TRPM8: variants seen among roughly 807,000 people sequenced by gnomAD.
TRPM8 encodes the protein TRPM8 cationic channel.
Under a neutral mutation model 133.7 loss-of-function variants are expected in TRPM8, and 110 were observed. The observed-to-expected ratio is 0.82, with a 90% CI of 0.70 to 0.96. The LOEUF (loss-of-function observed/expected upper bound fraction) is 0.96, where lower values mean the gene tolerates loss of function less well. Among genes scored for constraint, TRPM8 ranks in the 40% least tolerant of loss-of-function variants. TRPM8 has a pLI of 0.00. For missense variants in TRPM8, 1,291 were observed against 1,379.5 expected (o/e 0.94, Z 1.02); for synonymous variants, 535 against 532.3 (o/e 1.01, Z -0.07).
intron 22 of TRPM8, among the ~76,000 whole-genome samples, chr2:234,002,373 C>T (rs1376363162): frequency 3.9e-5 from 6 of 152,062 alleles, no homozygotes; most frequent in Non-Finnish European, 7.4e-5. Context: ...TGCCCTCAGC[C>T]CACCAAGTCA....
At position 233,970,258 on chromosome 2, in the gene TRPM8, G is replaced by A. The variant is rs137895658; in HGVS notation, c.2187G>A (p.Ala729=). The A allele has an allele frequency of 2.0e-5, 32 of 1,614,174 alleles. No homozygotes were observed. Among genetic ancestry groups the A allele is most frequent in the East Asian group, 6.7e-5 (3 of 44,872 alleles). Residue 729 remains alanine (A), a synonymous_variant, in exon 17 of 26, where the codon GCG becomes GCA. Coordinates refer to ENST00000324695, the MANE Select transcript of TRPM8 (RefSeq NM_024080.5). ...KHKKLLWYYV[A]FFTSPFVVFS... is the part of the protein sequence containing the mutation. ...AGAAGCTGCTTTGGTACTATGTGGC[G>A]TTCTTCACCTCCCCCTTCGTGGTCT...
At position 233,989,052 on chromosome 2, in the gene TRPM8, A is replaced by C. The variant is rs989027169; in HGVS notation, c.2939+3187A>C. 1.3e-5 allele frequency among the ~76,000 whole-genome samples: 2 copies of C among 152,336 alleles called. No homozygotes were observed. The highest frequency in any genetic ancestry group is 1.3e-4 in the Admixed American group (2 of 15,308). ...TAAACAAAAAGACCAACAGCTCCTA[A>C]AACCATGGCCTTTGAGTTATGCTAA... On this transcript the variant is annotated intron_variant, in intron 21 of 25. Transcript: ENST00000324695. This position sits in a 1 kb window ranked among gnomAD's most constrained non-coding sequence, Gnocchi z 4.2.
chr2:233,980,617 C>T (rs978080360), intron 18 of TRPM8, among the ~76,000 whole-genome samples: 1 of 152,164 alleles, frequency 6.6e-6, no homozygotes, highest in African/African-American at 2.4e-5. Flanking sequence ...ATCCACCTGC[C>T]TCAGCCTCCC....
At chr2:233,925,727 A>G (rs1691501171) in intron 1 of TRPM8, among the ~76,000 whole-genome samples, 1 of 152,134 alleles carries the variant, frequency 6.6e-6, no homozygotes, top group Non-Finnish European at 1.5e-5. Context: ...CACGGTATGC[A>G]GGAAGGACAG....
chr2:234,010,025 T>C (rs1367215974), intron 24 of TRPM8, among the ~76,000 whole-genome samples: 2 of 152,206 alleles, frequency 1.3e-5, no homozygotes, highest in Admixed American at 6.5e-5. Flanking sequence ...CTGGCAAATT[T>C]CGTGGGTACA....
intron 1 of TRPM8, among the ~76,000 whole-genome samples, chr2:233,925,548 A>G (rs1011939137): frequency 1.4e-4 from 22 of 152,108 alleles, no homozygotes; most frequent in Non-Finnish European, 2.6e-4. Context: ...AGCCAGGTCC[A>G]GAGAGAGAGG....
intron 11 of TRPM8, among the ~76,000 whole-genome samples, chr2:233,956,531 G>A (rs1039144861): frequency 1.3e-5 from 2 of 152,090 alleles, no homozygotes; most frequent in African/African-American, 4.8e-5. Context: ...GTTAATTTCA[G>A]TCATTAGGGG....
rs1336749935 is a variant in TRPM8, at chr2:234,018,190, T to A, written c.*934T>A. ...AATGTTATCATACTACATATATACT[T>A]TTTATGTAAGCTTTTTCACTTAGTA... On this transcript the variant is annotated 3_prime_UTR_variant, in exon 26 of 26. Coordinates refer to ENST00000324695, the MANE Select transcript of TRPM8 (RefSeq NM_024080.5). 1 of 152,130 alleles carries A rather than the reference T, an allele frequency of 6.6e-6. No homozygotes were observed. Among genetic ancestry groups the A allele is most frequent in the Non-Finnish European group, 1.5e-5 (1 of 68,026 alleles). 9.4% of individuals were successfully genotyped at this position (152,130 alleles called of 1,614,324 possible).
At chr2:233,973,395 C>T (rs907182387) in intron 17 of TRPM8, among the ~76,000 whole-genome samples, 6 of 152,202 alleles carry the variant, frequency 3.9e-5, no homozygotes, top group African/African-American at 7.2e-5. Flanking sequence ...TAGCTTTTGG[C>T]GGCCAGCTGG....
At chr2:234,000,322 G>A (rs1692523889) in intron 22 of TRPM8, among the ~76,000 whole-genome samples, 1 of 151,960 alleles carries the variant, frequency 6.6e-6, no homozygotes, top group South Asian at 2.1e-4. Context: ...TGTTGGCCAG[G>A]CTCGTCTTGA....
chr2:233,978,019 G>A (rs1406783242), intron 17 of TRPM8, among the ~76,000 whole-genome samples: 1 of 151,608 alleles, frequency 6.6e-6, no homozygotes, highest in Non-Finnish European at 1.5e-5. Flanking sequence ...ATGAATGTAT[G>A]CAGGTGTTTT....
At chr2:233,996,589 T>TA in intron 22 of TRPM8, 73 bp downstream of exon 22, 1 of 1,330,192 alleles carries the variant, frequency 7.5e-7, no homozygotes, top group Non-Finnish European at 1.1e-6. Flanking sequence ...CTGGTGTGTA[T>TA]CTCAACAGGA....
intron 11 of TRPM8, chr2:233,955,491 A>G: frequency 3.1e-6 from 1 of 321,798 alleles, no homozygotes. Context: ...CATCAACTCC[A>G]CATTGCCTTC....
chr2:233,926,447 A>C (rs1016903154), intron 1 of TRPM8, 86 bp from the exon 2 acceptor site: 1 of 975,926 alleles, frequency 1.0e-6, no homozygotes, highest in Non-Finnish European at 1.6e-6. Flanking sequence ...GAGAGGGTGG[A>C]GGGAAAACGG....
At position 234,017,790 on chromosome 2, in the gene TRPM8, C is replaced by G. The variant is rs189869051; in HGVS notation, c.*534C>G. 2.0e-3 allele frequency: 314 copies of G among 158,254 alleles called. 1 individual carries two copies. Among genetic ancestry groups the G allele is most frequent in the Non-Finnish European group, 2.4e-3 (171 of 72,322 alleles). 9.8% of individuals were successfully genotyped at this position (158,254 alleles called of 1,614,324 possible). The stretch of plus-strand genomic sequence containing the variant: ...CATGCTGCAGCAAGAGGACCCCGCT[C>G]TCTTCAGGAAAAGTGTTTTCATTTC... On this transcript the variant is annotated 3_prime_UTR_variant, in exon 26 of 26. Coordinates refer to ENST00000324695, the MANE Select transcript of TRPM8 (RefSeq NM_024080.5).
intron 3 of TRPM8, among the ~76,000 whole-genome samples, chr2:233,932,452 T>C (rs1691699311): frequency 6.6e-6 from 1 of 151,658 alleles, no homozygotes; most frequent in Admixed American, 6.6e-5. Context: ...GGCTGGAGGA[T>C]GGAAGTTGAG....
Position 233,985,811 on chromosome 2 carries a change from T to A in TRPM8, c.2885T>A (p.Ile962Asn). The stretch of plus-strand genomic sequence containing the variant: ...TGGATCACCATCCCCCTGGTGTGCA[T>A]CTACATGTTATCCACCAACATCCTG... ...PEWITIPLVC[I>N]YMLSTNILLV... The change falls in exon 21 of 26, where the codon ATC becomes AAC. Residue 962 changes from isoleucine (I) to asparagine (N), a missense_variant. Physicochemically the swap from Ile to Asn is moderately radical, Grantham distance 149. Around this residue, in one of 2 missense-constraint regions of TRPM8, gnomAD observed 328 missense variants for 410.6 expected, o/e 0.80. Coordinates refer to ENST00000324695, the MANE Select transcript of TRPM8 (RefSeq NM_024080.5). 6.2e-7 allele frequency: 1 copy of A among 1,614,212 alleles called. No homozygotes were observed. The highest frequency in any genetic ancestry group is 8.5e-7 in the Non-Finnish European group (1 of 1,180,034).
At chr2:233,974,832 T>C (rs1404196994) in intron 17 of TRPM8, among the ~76,000 whole-genome samples, 1 of 151,966 alleles carries the variant, frequency 6.6e-6, no homozygotes, top group African/African-American at 2.4e-5. Context: ...ACTGGATTCA[T>C]AGCCTGGTGG....
At chr2:233,967,204 A>G (rs762559179) in intron 15 of TRPM8, among the ~76,000 whole-genome samples, 2 of 152,222 alleles carry the variant, frequency 1.3e-5, no homozygotes, top group South Asian at 2.1e-4. Flanking sequence ...TTATTTAGCT[A>G]TTGCTATTGC....
Sources: gnomAD v4.1 joint callset for allele counts (sites outside exome capture counted in the v4.1 genomes callset) on GRCh38, gnomAD v4.1.1 for gene constraint, gnomAD v4.1.1 regional missense constraint, Gnocchi (gnomAD v3.1) non-coding constraint, MANE v1.5 for transcripts, NCBI Gene and HGNC (gene_info 2026-07-23, HGNC 2026-07-21) for gene names.